Variants in LMNTD1 observed in about 807,000 individuals in gnomAD.
LMNTD1 encodes lamin tail domain containing 1, also known as lamin tail domain-containing protein 1.
Under a neutral mutation model 50.9 loss-of-function variants are expected in LMNTD1, and 35 were observed. The observed-to-expected ratio is 0.69, with a 90% confidence interval of 0.53 to 0.91. LMNTD1 has a LOEUF of 0.91. Among genes scored for constraint, LMNTD1 ranks in the 40% least tolerant of loss-of-function variants. LMNTD1 has a pLI of 0.00. For missense variants in LMNTD1, 470 were observed against 475.5 expected, an observed-to-expected ratio of 0.99 and a Z score of 0.11; for synonymous variants, 153 against 161.9, an observed-to-expected ratio of 0.94 and a Z score of 0.42.
At chr12:25,524,840 G>C (rs1169074095) in intron 6 of LMNTD1, among the ~76,000 whole-genome samples, 1 of 152,116 alleles carries the variant, frequency 6.6e-6, no homozygotes, top group Admixed American at 6.5e-5. Flanking sequence ...AGCCCACAAG[G>C]AGATCTAAAG....
At chr12:25,489,310 G>T (rs1355010721) in intron 9 of LMNTD1, among the ~76,000 whole-genome samples, 2 of 150,688 alleles carry the variant, frequency 1.3e-5, no homozygotes, top group African/African-American at 4.9e-5. Context: ...TCCGAGCCAG[G>T]TGTGGGATAT....
At chr12:25,540,110 G>C (rs1942947435) in intron 4 of LMNTD1, among the ~76,000 whole-genome samples, 1 of 88,646 alleles carries the variant, frequency 1.1e-5, no homozygotes, top group Non-Finnish European at 2.2e-5. Flanking sequence ...AAGAGTCCAG[G>C]ACCAGATGGA....
intron 8 of LMNTD1, among the ~76,000 whole-genome samples, chr12:25,515,791 T>C (rs1285558299): frequency 1.3e-5 from 2 of 152,126 alleles, no homozygotes; most frequent in African/African-American, 4.8e-5. Context: ...GAGACACAGT[T>C]TAAAACAAGG....
At chr12:25,580,911 G>A (rs921029269) in intron 1 of LMNTD1, among the ~76,000 whole-genome samples, 2 of 152,126 alleles carry the variant, frequency 1.3e-5, no homozygotes, top group Non-Finnish European at 2.9e-5. Flanking sequence ...ATGGGGAAAT[G>A]GATACCTCCC....
intron 4 of LMNTD1, among the ~76,000 whole-genome samples, chr12:25,538,390 C>T (rs1942776447): frequency 6.6e-6 from 1 of 151,304 alleles, no homozygotes; most frequent in South Asian, 2.1e-4. Context: ...AGAAACCCTA[C>T]AAGCTGGAAG....
At chr12:25,611,735 A>G (rs1946249613) in intron 1 of LMNTD1, among the ~76,000 whole-genome samples, 1 of 152,172 alleles carries the variant, frequency 6.6e-6, no homozygotes, top group South Asian at 2.1e-4. Flanking sequence ...TATTTATTTG[A>G]TTTTATTTTT....
At chr12:25,535,204 T>C (rs536901141) in intron 4 of LMNTD1, among the ~76,000 whole-genome samples, 6 of 152,228 alleles carry the variant, frequency 3.9e-5, no homozygotes, top group African/African-American at 9.6e-5. Flanking sequence ...ATAGTAGTCA[T>C]TGCAGGTGAA....
At chr12:25,494,629 T>C (rs1476460862) in intron 9 of LMNTD1, among the ~76,000 whole-genome samples, 1 of 152,120 alleles carries the variant, frequency 6.6e-6, no homozygotes, top group Non-Finnish European at 1.5e-5. Flanking sequence ...TAAGCATAAT[T>C]AAGTGGTAAC....
At position 25,502,006 on chromosome 12, in the gene LMNTD1, G is replaced by A. The variant is rs1939418011; in HGVS notation, c.*22+1732C>T. ...AAACAGAAGTAAGGCATCTTAGGAG[G>A]CCCAGAACTTTTCAAAACAGGGTGG... On this transcript the variant is annotated intron_variant, in intron 9 of 9. Transcript: ENST00000458174. Among the ~76,000 whole-genome samples the A allele has an allele frequency of 3.3e-5, 5 of 152,186 alleles. No homozygotes were observed. In the South Asian group the frequency reaches 1.0e-3, roughly 32 times the overall value.
intron 1 of LMNTD1, among the ~76,000 whole-genome samples, chr12:25,612,623 C>T (rs971626721): frequency 1.3e-5 from 2 of 152,104 alleles, no homozygotes; most frequent in Non-Finnish European, 2.9e-5. Flanking sequence ...GCCTGAATCC[C>T]TTTGGCTGAA....
rs58304861 is a variant in LMNTD1, at chr12:25,519,587, C to CAAAAAAAAAAAAA, written c.1016+258_1016+270dup. Among the ~76,000 whole-genome samples, 218 of 94,616 alleles carry CAAAAAAAAAAAAA rather than the reference C, an allele frequency of 2.3e-3. 10 individuals carry two copies. The highest frequency in any genetic ancestry group is 9.1e-3 in the East Asian group (23 of 2,520). The allele number at this position is 94,616 out of a possible 152,430, so 62.1% of individuals were successfully genotyped here. A position where few individuals can be genotyped will look rare whatever the true frequency, so the allele number is the denominator to read the frequency against. On this transcript the variant is annotated intron_variant, in intron 7 of 9. Transcript: ENST00000458174. ...TGGGTGACAGAGCGAGACTCTGTCT[C>CAAAAAAAAAAAAA]AAAAAAAAAAAAAAAAAAAAAGTGA...
At chr12:25,596,702 C>T (rs999242535) in intron 1 of LMNTD1, among the ~76,000 whole-genome samples, 1 of 151,784 alleles carries the variant, frequency 6.6e-6, no homozygotes, top group African/African-American at 2.4e-5. Context: ...TTTTGATGAT[C>T]AAAAAGAAAT....
At chr12:25,620,143 A>G (rs550523671) in intron 1 of LMNTD1, among the ~76,000 whole-genome samples, 5 of 152,370 alleles carry the variant, frequency 3.3e-5, no homozygotes, top group Admixed American at 3.3e-4. Context: ...TTAAGTTACA[A>G]CAGAGCTGCT....
At chr12:25,550,408 G>A (rs1014015800) in intron 2 of LMNTD1, among the ~76,000 whole-genome samples, 3 of 152,280 alleles carry the variant, frequency 2.0e-5, no homozygotes, top group South Asian at 2.1e-4. Flanking sequence ...GTGCATGTGT[G>A]TATGCATGCG....
chr12:25,638,211 C>CA (rs1210637599), intron 1 of LMNTD1, among the ~76,000 whole-genome samples: 1 of 152,062 alleles, frequency 6.6e-6, no homozygotes, highest in East Asian at 1.9e-4. Context: ...AGAACATCTA[C>CA]AAAAAAACTC....
intron 2 of LMNTD1, among the ~76,000 whole-genome samples, chr12:25,549,797 T>G (rs1177632130): frequency 6.6e-6 from 1 of 152,148 alleles, no homozygotes; most frequent in African/African-American, 2.4e-5. Context: ...TCTGAAAATG[T>G]GTAAGTAGAA....
At chr12:25,603,952 G>GA (rs1192243035) in intron 1 of LMNTD1, among the ~76,000 whole-genome samples, 1 of 151,836 alleles carries the variant, frequency 6.6e-6, no homozygotes, top group Admixed American at 6.6e-5. Flanking sequence ...ATATTGGGGG[G>GA]GAAGGCTGAC....
chr12:25,644,972 G>T (rs114925179), intron 1 of LMNTD1, among the ~76,000 whole-genome samples: 1 of 152,148 alleles, frequency 6.6e-6, no homozygotes, highest in African/African-American at 2.4e-5. Context: ...GAATAGGGAG[G>T]GAGAAGTGTG....
intron 9 of LMNTD1, among the ~76,000 whole-genome samples, chr12:25,491,702 G>C (rs757891364): frequency 4.6e-5 from 7 of 152,206 alleles, no homozygotes; most frequent in Non-Finnish European, 8.8e-5. Context: ...GGAAAGAACA[G>C]CATGCACAGA....
Sources: allele counts gnomAD v4.1 joint callset (sites outside exome capture counted in the v4.1 genomes callset), GRCh38; gene constraint gnomAD v4.1.1; transcripts MANE v1.5; gene names NCBI Gene and HGNC (gene_info 2026-07-23, HGNC 2026-07-21).